Variants in RAB11FIP1 observed in about 807,000 individuals in gnomAD.
RAB11FIP1 encodes rab11 family-interacting protein 1.
A neutral mutation model predicts 83.1 loss-of-function variants in RAB11FIP1; 49 were observed. The observed-to-expected ratio is 0.59, with a 90% CI of 0.47 to 0.75. RAB11FIP1 has a LOEUF of 0.75. RAB11FIP1 is among the 30% of genes least tolerant of loss of function. The pLI is 0.00. For missense variants in RAB11FIP1, 1,536 were observed against 1,598.7 expected (o/e 0.96, Z 0.67); for synonymous variants, 670 against 656.0 (o/e 1.02, Z -0.33).
At chr8:37,882,677 C>T (rs1806752470) in intron 1 of RAB11FIP1, among the ~76,000 whole-genome samples, 2 of 152,160 alleles carry the variant, frequency 1.3e-5, no homozygotes, top group South Asian at 4.1e-4. Flanking sequence ...GCCCTGAATT[C>T]TTTCTTGCGG....
chr8:37,876,725 C>G (rs1339388394), intron 2 of RAB11FIP1, among the ~76,000 whole-genome samples: 1 of 151,618 alleles, frequency 6.6e-6, no homozygotes, highest in African/African-American at 2.4e-5. Context: ...ACTGCAGCCT[C>G]TACTTCCTGA....
intron 4 of RAB11FIP1, chr8:37,870,766 C>A: frequency 2.2e-6 from 1 of 449,786 alleles, no homozygotes; most frequent in South Asian, 4.6e-5. Flanking sequence ...CTGATATCTT[C>A]ACGGGACCCT....
chr8:37,874,852 G>C lies in RAB11FIP1; in HGVS notation c.1285C>G (p.Pro429Ala). The stretch of plus-strand genomic sequence containing the variant: ...AGCAAAGAGGACCTCCTGCTCTCTG[G>C]CTTCTTGCTCTCCTTAGCTTCTTTT... Reference protein sequence around the residue: ...ATKEAKESKKPESRRSSLLSL... With the variant: ...ATKEAKESKKAESRRSSLLSL... Residue 429 changes from proline to alanine, a missense_variant, in exon 3 of 6, where the codon CCA (proline) becomes GCA (alanine). Transcript: ENST00000330843. The C allele has an allele frequency of 6.2e-7, 1 of 1,614,106 alleles. No individual in the cohort carries two copies. Among genetic ancestry groups the C allele is most frequent in the Non-Finnish European group, 8.5e-7 (1 of 1,180,008 alleles).
At position 37,872,241 on chromosome 8, in the gene RAB11FIP1, G is replaced by A. The variant is rs749864565; in HGVS notation, c.2561C>T (p.Pro854Leu). The A allele has an allele frequency of 6.2e-7, 1 of 1,614,068 alleles. No homozygotes were observed. Among genetic ancestry groups the A allele is most frequent in the South Asian group, 1.1e-5 (1 of 91,060 alleles). Residue 854 changes from proline (P) to leucine (L), a missense_variant, in exon 4 of 6, where the codon CCT (proline) becomes CTT (leucine). Transcript: ENST00000330843. ...VAGNASDGEPPESPHAEDSER... is the reference protein window; with the variant it reads ...VAGNASDGEPLESPHAEDSER... Reference sequence around the variant, plus strand: ...TGAGTCCTCTGCGTGGGGAGACTCAGGAGGCTCTCCGTCAGACGCGTTTCC... The same window carrying A: ...TGAGTCCTCTGCGTGGGGAGACTCAAGAGGCTCTCCGTCAGACGCGTTTCC...
intron 1 of RAB11FIP1, 142 bp from the exon 2 acceptor site, chr8:37,877,693 G>A (rs1363756513): frequency 3.8e-6 from 2 of 522,452 alleles, no homozygotes; most frequent in Admixed American, 3.6e-5. Context: ...TCGGGAAGTG[G>A]TAGATGAGAG....
At chr8:37,868,029 T>A (rs559270502) in intron 5 of RAB11FIP1, among the ~76,000 whole-genome samples, 188 of 152,242 alleles carry the variant, frequency 1.2e-3, no homozygotes, top group African/African-American at 4.3e-3. Context: ...GACGATCACT[T>A]GAGCCCAGGA....
chr8:37,864,108 G>C (rs894410347), intron 5 of RAB11FIP1, among the ~76,000 whole-genome samples: 1 of 152,234 alleles, frequency 6.6e-6, no homozygotes, highest in Non-Finnish European at 1.5e-5. Context: ...CGGAGTCAGA[G>C]CCAGGTGCCA....
At chr8:37,871,178 C>G (rs1485077852) in intron 4 of RAB11FIP1, 100 bp downstream of exon 4, 1 of 1,465,276 alleles carries the variant, frequency 6.8e-7, no homozygotes. Context: ...TGGGTTGTCA[C>G]ATCAGACGTC....
Position 37,859,313 on chromosome 8 carries a change from G to C in RAB11FIP1, c.*3582C>G, listed in dbSNP as rs1056107624. The C allele has an allele frequency of 4.6e-5, 7 of 152,188 alleles. No individual in the cohort carries two copies. Among genetic ancestry groups the C allele is most frequent in the African/African-American group, 1.7e-4 (7 of 41,440 alleles). The allele number at this position is 152,188 out of a possible 1,614,324, so 9.4% of individuals were successfully genotyped here. A position where few individuals can be genotyped will look rare whatever the true frequency, so the allele number is the denominator to read the frequency against. The stretch of plus-strand genomic sequence containing the variant: ...ATGGTGCGTCATTTAACATTAAATT[G>C]CCTCTCTCTACAGTATGTGGCTGAG... On this transcript the variant is annotated 3_prime_UTR_variant, in exon 6 of 6. Coordinates refer to ENST00000330843, the MANE Select transcript of RAB11FIP1 (RefSeq NM_001002814.3).
intron 4 of RAB11FIP1, 196 bp from the exon 5 acceptor site, chr8:37,870,724 A>G (rs757282423): frequency 4.8e-4 from 241 of 500,130 alleles, no homozygotes; most frequent in Non-Finnish European, 7.3e-4. Context: ...TGCCACATGC[A>G]AGCCAGGAAA....
intron 1 of RAB11FIP1, among the ~76,000 whole-genome samples, chr8:37,889,675 C>G (rs757987433): frequency 6.6e-6 from 1 of 152,232 alleles, no homozygotes; most frequent in Non-Finnish European, 1.5e-5. Flanking sequence ...CCCTTCCTCA[C>G]CACATAAACT....
chr8:37,877,614 C>G, intron 1 of RAB11FIP1, 63 bp from the exon 2 acceptor site: 1 of 1,073,134 alleles, frequency 9.3e-7, no homozygotes, highest in Non-Finnish European at 1.4e-6. Flanking sequence ...TGTTCACAAT[C>G]CCCATGAACT....
In RAB11FIP1 at chr8:37,864,099, G is replaced by A. The variant is rs562164714; in HGVS notation, c.3634-986C>T. Among the ~76,000 whole-genome samples, 5 of 152,332 alleles carry A rather than the reference G, an allele frequency of 3.3e-5. No individual in the cohort carries two copies. In the East Asian group the frequency reaches 7.7e-4, roughly 23 times the overall value. On this transcript the variant is annotated intron_variant, in intron 5 of 5. Coordinates refer to ENST00000330843, the MANE Select transcript of RAB11FIP1 (RefSeq NM_001002814.3). The stretch of plus-strand genomic sequence containing the variant: ...ATCACTTCATACTCGAGAAATATGC[G>A]GAGTCAGAGCCAGGTGCCACCATGC...
At chr8:37,874,480 C>G in intron 3 of RAB11FIP1, 35 bp downstream of exon 3, 1 of 1,568,858 alleles carries the variant, frequency 6.4e-7, no homozygotes, top group Non-Finnish European at 8.7e-7. Context: ...AATGGCAAGG[C>G]AGAAATGCCC....
Position 37,871,412 on chromosome 8 carries a change from G to C in RAB11FIP1, c.3390C>G (p.Ala1130=). The C allele has an allele frequency of 6.2e-7, 1 of 1,614,166 alleles. No homozygotes were observed. Among genetic ancestry groups the C allele is most frequent in the Non-Finnish European group, 8.5e-7 (1 of 1,180,030 alleles). The change falls in exon 4 of 6, where the codon GCC becomes GCG. Residue 1130 remains alanine, a synonymous_variant. Coordinates refer to ENST00000330843, the MANE Select transcript of RAB11FIP1 (RefSeq NM_001002814.3). Reference sequence around the variant, plus strand: ...CTCTACCAGCGGAGCCCTCTGCTGTGGCTTTTTTTTGAGATTCTGCTGTGC... The same window carrying C: ...CTCTACCAGCGGAGCCCTCTGCTGTCGCTTTTTTTTGAGATTCTGCTGTGC... The part of the protein sequence containing the change: ...HTSTAESQKK[A]TAEGSAGRVE...
Position 37,858,780 on chromosome 8 carries a change from G to C in RAB11FIP1, c.*4115C>G, listed in dbSNP as rs1195970814. The C allele has an allele frequency of 6.6e-6, 1 of 152,256 alleles. No individual in the cohort carries two copies. Among genetic ancestry groups the C allele is most frequent in the Non-Finnish European group, 1.5e-5 (1 of 68,070 alleles). The allele number at this position is 152,256 out of a possible 1,614,324, so 9.4% of individuals were successfully genotyped here. Reference sequence around the variant, plus strand: ...ACATGTCCGTCCTCTTTGAGAAAAAGGGCCTTGGGACTCCTGGGAACCAGG... The same window carrying C: ...ACATGTCCGTCCTCTTTGAGAAAAACGGCCTTGGGACTCCTGGGAACCAGG... On this transcript the variant is annotated 3_prime_UTR_variant, in exon 6 of 6. Transcript: ENST00000330843.
At chr8:37,880,337 C>T (rs1288576757) in intron 1 of RAB11FIP1, among the ~76,000 whole-genome samples, 4 of 152,024 alleles carry the variant, frequency 2.6e-5, no homozygotes, top group Non-Finnish European at 5.9e-5. Context: ...CTCGCTCTGT[C>T]CCCCAGGCTG....
At chr8:37,864,502 T>C (rs1482368918) in intron 5 of RAB11FIP1, among the ~76,000 whole-genome samples, 1 of 152,170 alleles carries the variant, frequency 6.6e-6, no homozygotes, top group Non-Finnish European at 1.5e-5. Flanking sequence ...AGAGACTACC[T>C]TCTCCAAGAA....
At chr8:37,878,692 TAA>T (rs1326272323) in intron 1 of RAB11FIP1, among the ~76,000 whole-genome samples, 6 of 132,014 alleles carry the variant, frequency 4.5e-5, no homozygotes, top group Admixed American at 7.7e-5. Context: ...AACACAGAAT[TAA>T]AAAAAAAAAA....
Sources: allele counts gnomAD v4.1 joint callset (sites outside exome capture counted in the v4.1 genomes callset), GRCh38; gene constraint gnomAD v4.1.1; transcripts MANE v1.5; gene names NCBI Gene and HGNC (gene_info 2026-07-23, HGNC 2026-07-21).